The following ADAM9 variants were observed in gnomAD, a reference collection of about 807,000 sequenced individuals.
The protein encoded by ADAM9 is disintegrin and metalloproteinase domain-containing protein 9.
Under a neutral mutation model 108.1 loss-of-function variants are expected in ADAM9, and 54 were observed. The observed-to-expected ratio is 0.50, with a 90% CI of 0.40 to 0.63. ADAM9 has a LOEUF of 0.63. Among genes scored for constraint, ADAM9 ranks in the 20% least tolerant of loss-of-function variants. The pLI is 0.00. For missense variants in ADAM9, 830 were observed against 997.7 expected (o/e 0.83, Z 2.26); for synonymous variants, 316 against 336.0 (o/e 0.94, Z 0.65).
At chr8:39,047,374 T>C (rs1837807912) in intron 12 of ADAM9, among the ~76,000 whole-genome samples, 1 of 152,222 alleles carries the variant, frequency 6.6e-6, no homozygotes, top group Non-Finnish European at 1.5e-5. Context: ...TTTAGAATGA[T>C]TGGCATTAGT....
At chr8:39,018,943 C>T in intron 7 of ADAM9, 25 bp downstream of exon 7, 1 of 1,607,464 alleles carries the variant, frequency 6.2e-7, no homozygotes, top group Non-Finnish European at 8.5e-7. Context: ...AATTTTTCTT[C>T]TTTTCCATGA....
intron 3 of ADAM9, among the ~76,000 whole-genome samples, chr8:39,013,420 G>A (rs901691886): frequency 6.6e-6 from 1 of 150,932 alleles, no homozygotes; most frequent in Admixed American, 6.6e-5. Flanking sequence ...ATTACAAAAT[G>A]TGTAGCTTAA....
At chr8:38,998,003 T>C (rs1835877646) in intron 1 of ADAM9, among the ~76,000 whole-genome samples, 1 of 152,240 alleles carries the variant, frequency 6.6e-6, no homozygotes, top group Non-Finnish European at 1.5e-5. Flanking sequence ...CGCTGGCGTC[T>C]TTCTGGAAAC....
Position 39,081,414 on chromosome 8 carries a change from A to T in ADAM9, c.1882-1227A>T, listed in dbSNP as rs13274567. 4.6e-5 allele frequency among the ~76,000 whole-genome samples: 7 copies of T among 152,222 alleles called. No individual in the cohort carries two copies. The East Asian group carries it at 1.2e-3, about 25-fold the overall frequency. ...CACATTTCATCTTATTTAACACTTCAGGTGTCCGCTATGAATCAATTATTG... is the reference window on the plus strand; with the variant it reads ...CACATTTCATCTTATTTAACACTTCTGGTGTCCGCTATGAATCAATTATTG... On this transcript the variant is annotated intron_variant, in intron 16 of 21. Transcript: ENST00000487273.
chr8:39,072,408 G>A (rs1181238502), intron 15 of ADAM9, among the ~76,000 whole-genome samples: 2 of 152,182 alleles, frequency 1.3e-5, no homozygotes, highest in Non-Finnish European at 2.9e-5. Context: ...TCTGACAGTC[G>A]TTTTTAGGTC....
chr8:39,090,129 C>T lies in ADAM9; in HGVS notation c.2151C>T (p.Phe717=), dbSNP rs751622942. ...VPLIVCAIFI[F]IKRDQLWRSY... Reference sequence around the variant, plus strand: ...TTATTGTCTGTGCTATTTTTATCTTCATCAAGAGGGATCAACTGTGGAGAA... The same window carrying T: ...TTATTGTCTGTGCTATTTTTATCTTTATCAAGAGGGATCAACTGTGGAGAA... Residue 717 remains phenylalanine (F), a synonymous_variant, in exon 19 of 22, where the codon TTC becomes TTT. Coordinates refer to ENST00000487273, the MANE Select transcript of ADAM9 (RefSeq NM_003816.3). 4.3e-6 allele frequency: 7 copies of T among 1,613,838 alleles called. No homozygotes were observed. The highest frequency in any genetic ancestry group is 5.9e-6 in the Non-Finnish European group (7 of 1,179,848).
chr8:39,022,376 CTGA>C (rs1213386475), intron 8 of ADAM9, among the ~76,000 whole-genome samples: 8 of 152,200 alleles, frequency 5.3e-5, no homozygotes. Context: ...TCTGAAACCT[CTGA>C]TGTACCTGTG....
rs767864150 is a variant in ADAM9, at chr8:39,104,142, A to G, written c.*442A>G. On this transcript the variant is annotated 3_prime_UTR_variant, in exon 22 of 22. Coordinates refer to ENST00000487273, the MANE Select transcript of ADAM9 (RefSeq NM_003816.3). ...TAATACCTGTGAAAACTGACTAATC[A>G]GCTGCCAATAATATCTAATATTTTT... is the stretch of plus-strand genomic sequence containing the variant. The G allele has an allele frequency of 4.6e-4, 211 of 454,958 alleles. 1 individual carries two copies. The highest frequency in any genetic ancestry group is 1.1e-3 in the South Asian group (71 of 64,416). 28.2% of individuals were successfully genotyped at this position (454,958 alleles called of 1,614,324 possible). A position where few individuals can be genotyped will look rare whatever the true frequency, so the allele number is the denominator to read the frequency against.
intron 20 of ADAM9, among the ~76,000 whole-genome samples, chr8:39,098,064 G>A (rs1316027907): frequency 6.6e-6 from 1 of 151,874 alleles, no homozygotes; most frequent in Non-Finnish European, 1.5e-5. Flanking sequence ...TATTTTGGTA[G>A]TAAATTCTGT....
chr8:39,051,437 A>G (rs1837955773), intron 12 of ADAM9, among the ~76,000 whole-genome samples: 1 of 152,210 alleles, frequency 6.6e-6, no homozygotes, highest in African/African-American at 2.4e-5. Flanking sequence ...TTACTGTTGA[A>G]TTGCTGACTT....
At chr8:39,040,592 A>T (rs1285091819) in intron 11 of ADAM9, among the ~76,000 whole-genome samples, 1 of 152,206 alleles carries the variant, frequency 6.6e-6, no homozygotes. Context: ...TATAAGATAC[A>T]TGGTTATAAG....
intron 15 of ADAM9, among the ~76,000 whole-genome samples, chr8:39,075,027 C>T (rs565027723): frequency 3.3e-5 from 5 of 151,572 alleles, no homozygotes; most frequent in Non-Finnish European, 7.4e-5. Context: ...GTGCCTCAGC[C>T]TCTGGAGTAG....
Position 39,049,441 on chromosome 8 carries a change from G to GT in ADAM9, c.1303-5023dup, listed in dbSNP as rs559508620. Among the ~76,000 whole-genome samples, 854 of 134,786 alleles carry GT rather than the reference G, an allele frequency of 6.3e-3. 4 individuals carry two copies. Among genetic ancestry groups the GT allele is most frequent in the African/African-American group, 0.014 (516 of 36,900 alleles). The allele number at this position is 134,786 out of a possible 152,430, so 88.4% of individuals were successfully genotyped here. On this transcript the variant is annotated intron_variant, in intron 12 of 21. Coordinates refer to ENST00000487273, the MANE Select transcript of ADAM9 (RefSeq NM_003816.3). ...TGTATCTTCCAACATATTTTTTATAGTTTTTTTTTTTTTTTTTGAGATGGA... is the reference window on the plus strand; with the variant it reads ...TGTATCTTCCAACATATTTTTTATAGTTTTTTTTTTTTTTTTTTGAGATGGA...
intron 11 of ADAM9, among the ~76,000 whole-genome samples, chr8:39,040,238 G>A (rs897871546): frequency 5.3e-5 from 8 of 151,954 alleles, no homozygotes; most frequent in South Asian, 2.1e-4. Flanking sequence ...TAGTAGAGAC[G>A]GGGTTTTACC....
intron 14 of ADAM9, among the ~76,000 whole-genome samples, chr8:39,056,141 C>T (rs913652934): frequency 2.6e-5 from 4 of 151,910 alleles, no homozygotes; most frequent in African/African-American, 9.7e-5. Flanking sequence ...TTAAAGTATT[C>T]CATTAGATGA....
At chr8:39,053,356 G>A (rs751132355) in intron 12 of ADAM9, among the ~76,000 whole-genome samples, 2 of 151,944 alleles carry the variant, frequency 1.3e-5, no homozygotes, top group African/African-American at 2.4e-5. Flanking sequence ...TAATTTTATC[G>A]GTTGTTCTTT....
chr8:39,093,433 G>A (rs1839411644), intron 20 of ADAM9, among the ~76,000 whole-genome samples: 2 of 152,028 alleles, frequency 1.3e-5, no homozygotes, highest in South Asian at 2.1e-4. Context: ...ATTTTCATAT[G>A]TTGATTTTGT....
chr8:39,018,436 C>G (rs1836618651), intron 6 of ADAM9, among the ~76,000 whole-genome samples: 1 of 152,090 alleles, frequency 6.6e-6, no homozygotes. Context: ...TTCTTTATCT[C>G]TCAGCATAGT....
intron 11 of ADAM9, among the ~76,000 whole-genome samples, chr8:39,041,339 G>T (rs907223131): frequency 6.6e-6 from 1 of 152,086 alleles, no homozygotes; most frequent in Non-Finnish European, 1.5e-5. Flanking sequence ...TACTAACCAC[G>T]GTTCCCAGGA....
Sources: allele counts gnomAD v4.1 joint callset (sites outside exome capture counted in the v4.1 genomes callset), GRCh38; gene constraint gnomAD v4.1.1; transcripts MANE v1.5; gene names NCBI Gene and HGNC (gene_info 2026-07-23, HGNC 2026-07-21).